The following ITPK1 variants were observed in gnomAD, a reference collection of about 807,000 sequenced individuals.
The protein encoded by ITPK1 is inositol-tetrakisphosphate 1-kinase.
A neutral mutation model predicts 45.3 loss-of-function variants in ITPK1; 21 were observed. That is an observed-to-expected ratio of 0.46 (90% CI 0.33 to 0.67). ITPK1 has a LOEUF of 0.67. ITPK1 is among the 30% of genes least tolerant of loss of function. The pLI is 0.02. For synonymous variants in ITPK1, 258 were observed against 253.6 expected (o/e 1.02, Z -0.16); for missense variants, 474 against 573.5 (o/e 0.83, Z 1.77).
At chr14:93,088,941 C>G (rs959261304) in intron 2 of ITPK1, among the ~76,000 whole-genome samples, 2 of 152,262 alleles carry the variant, frequency 1.3e-5, no homozygotes, top group Non-Finnish European at 2.9e-5. Flanking sequence ...CAGGCCCGCT[C>G]TCCCCAAATC....
At position 93,088,336 on chromosome 14, in the gene ITPK1, G is replaced by GTTTTTT. The variant is rs764902793; in HGVS notation, c.96-11718_96-11717insAAAAAA. ...GTTGCATCTTTTCTTTTTTGGTTTT[G>GTTTTTT]TTTTGTTTTTTTTTTTTTTTTGAGA... On this transcript the variant is annotated intron_variant, in intron 2 of 10. Coordinates refer to ENST00000267615, the MANE Select transcript of ITPK1 (RefSeq NM_014216.6). Among the ~76,000 whole-genome samples the GTTTTTT allele has an allele frequency of 5.1e-4, 65 of 126,642 alleles. 2 individuals carry two copies. The highest frequency in any genetic ancestry group is 6.2e-4 in the East Asian group (3 of 4,858). The allele number at this position is 126,642 out of a possible 152,430, so 83.1% of individuals were successfully genotyped here.
At position 93,016,521 on chromosome 14, in the gene ITPK1, G is replaced by A. The variant is rs1022805723; in HGVS notation, c.246+155C>T. Among the ~76,000 whole-genome samples the A allele has an allele frequency of 6.6e-6, 1 of 152,162 alleles. No homozygotes were observed. ...ACACTGACGCCGCACAGAAGTACCT[G>A]CCCACGAGCCCATGTCTTGCCAGTG... On this transcript the variant is annotated intron_variant, in intron 4 of 10. Transcript: ENST00000267615. The surrounding 1 kb of genome is among the most constrained non-coding windows in gnomAD (Gnocchi z 5.0).
intron 3 of ITPK1, among the ~76,000 whole-genome samples, chr14:93,052,955 C>T (rs1310843912): frequency 4.2e-5 from 6 of 142,622 alleles, no homozygotes; most frequent in Admixed American, 7.3e-5. Context: ...GAACATCACA[C>T]ACCAGGACCT....
chr14:92,945,199 C>T (rs1335414663), intron 10 of ITPK1, among the ~76,000 whole-genome samples: 1 of 152,362 alleles, frequency 6.6e-6, no homozygotes, highest in East Asian at 1.9e-4. Context: ...ACACAGCAGC[C>T]CTGGGCGACA....
chr14:93,057,757 T>C (rs1890268978), intron 3 of ITPK1, among the ~76,000 whole-genome samples: 1 of 152,156 alleles, frequency 6.6e-6, no homozygotes, highest in South Asian at 2.1e-4. Context: ...CAGGCAGCCG[T>C]GGCTTCATGC....
intron 9 of ITPK1, among the ~76,000 whole-genome samples, chr14:92,950,821 C>A (rs1449156226): frequency 6.6e-6 from 1 of 152,256 alleles, no homozygotes; most frequent in East Asian, 1.9e-4. Context: ...ATAATATTCT[C>A]AGCCAGGCAC....
chr14:92,993,793 CCT>C, intron 5 of ITPK1, 85 bp downstream of exon 5: 1 of 806,572 alleles, frequency 1.2e-6, no homozygotes, highest in Non-Finnish European at 2.2e-6. Context: ...AGACAAGACC[CCT>C]CTGTCTCCAC....
At chr14:93,082,121 G>T (rs1430188059) in intron 2 of ITPK1, among the ~76,000 whole-genome samples, 2 of 152,154 alleles carry the variant, frequency 1.3e-5, no homozygotes, top group Non-Finnish European at 2.9e-5. Flanking sequence ...GATTTGCTAG[G>T]GGAGGACATA....
chr14:92,990,827 TC>T (rs1380521297), intron 5 of ITPK1, among the ~76,000 whole-genome samples: 1 of 152,036 alleles, frequency 6.6e-6, no homozygotes, highest in Non-Finnish European at 1.5e-5. Flanking sequence ...TGGGAGAGCC[TC>T]CCCTTGTGCC....
At chr14:93,090,204 C>G (rs756299294) in intron 2 of ITPK1, among the ~76,000 whole-genome samples, 1 of 152,126 alleles carries the variant, frequency 6.6e-6, no homozygotes, top group Non-Finnish European at 1.5e-5. Flanking sequence ...CTGTTCCTAG[C>G]ACACCGGGCT....
intron 2 of ITPK1, among the ~76,000 whole-genome samples, chr14:93,091,502 G>A (rs1891866022): frequency 6.6e-6 from 1 of 152,218 alleles, no homozygotes; most frequent in South Asian, 2.1e-4. Flanking sequence ...TTGATATTCA[G>A]ACTCAAATGC....
chr14:93,115,456 C>G (rs986075030), intron 1 of ITPK1, among the ~76,000 whole-genome samples, 151 bp from the exon 2 acceptor site: 1 of 148,692 alleles, frequency 6.7e-6, no homozygotes, highest in African/African-American at 2.4e-5. Context: ...GGCTCGCGAG[C>G]GCCGCGCCGC....
intron 3 of ITPK1, among the ~76,000 whole-genome samples, chr14:93,057,873 C>T (rs1890275516): frequency 6.6e-6 from 1 of 152,216 alleles, no homozygotes; most frequent in Non-Finnish European, 1.5e-5. Flanking sequence ...GAAAAAGGAT[C>T]ATGACCCACG....
chr14:93,097,576 C>T (rs1892131782), intron 2 of ITPK1, among the ~76,000 whole-genome samples: 1 of 152,192 alleles, frequency 6.6e-6, no homozygotes, highest in African/African-American at 2.4e-5. Flanking sequence ...TTGCTTAAAG[C>T]CAGTAGTTTT....
intron 2 of ITPK1, among the ~76,000 whole-genome samples, chr14:93,092,701 G>A (rs1359085936): frequency 2.0e-5 from 3 of 152,214 alleles, no homozygotes; most frequent in Non-Finnish European, 4.4e-5. Flanking sequence ...CACAGCTGTG[G>A]GGAACCCAGC....
At chr14:93,069,359 C>G (rs753867454) in intron 3 of ITPK1, 5 of 154,212 alleles carry the variant, frequency 3.2e-5, no homozygotes, top group Non-Finnish European at 5.8e-5. Flanking sequence ...TGGTCTCTCA[C>G]TAGCCCCCTC....
In ITPK1 at chr14:92,938,536, G is replaced by A. The variant is rs776995918; in HGVS notation, c.*3025C>T. 1.8e-5 allele frequency: 29 copies of A among 1,610,716 alleles called. No homozygotes were observed. Among genetic ancestry groups the A allele is most frequent in the Non-Finnish European group, 2.2e-5 (26 of 1,177,036 alleles). ...CACACTTGGCAGTCCCCTGGGTACA[G>A]AGAGGAATGTTTTTCCCAGGTTGCT... On this transcript the variant is annotated 3_prime_UTR_variant, in exon 11 of 11. Transcript: ENST00000267615.
intron 3 of ITPK1, among the ~76,000 whole-genome samples, chr14:93,061,753 CA>C (rs1890533410): frequency 6.6e-6 from 1 of 152,150 alleles, no homozygotes. Flanking sequence ...CAGGCTTGCC[CA>C]AACAGTATCA....
intron 3 of ITPK1, among the ~76,000 whole-genome samples, chr14:93,073,516 T>C (rs1301395429): frequency 1.3e-5 from 2 of 152,208 alleles, no homozygotes; most frequent in Non-Finnish European, 2.9e-5. Context: ...AAAAGGACTG[T>C]TACTGTTGCC....
Sources: allele counts gnomAD v4.1 joint callset (sites outside exome capture counted in the v4.1 genomes callset), GRCh38; gene constraint gnomAD v4.1.1; non-coding constraint Gnocchi (gnomAD v3.1); transcripts MANE v1.5; gene names NCBI Gene and HGNC (gene_info 2026-07-23, HGNC 2026-07-21).